PLCH2: variants seen among roughly 807,000 people sequenced by gnomAD.
PLCH2 encodes 1-phosphatidylinositol 4,5-bisphosphate phosphodiesterase eta-2.
PLCH2 carries 98 observed loss-of-function variants against 134.7 expected under a neutral mutation model. The observed-to-expected ratio is 0.73, with a 90% confidence interval of 0.62 to 0.86. The LOEUF is 0.86. Ranked by LOEUF, PLCH2 falls within the 40% of genes least tolerant of loss-of-function variation. The probability of loss-of-function intolerance (pLI) is 0.00; values close to 1 mark genes in which losing one functional copy is unlikely to be tolerated. For synonymous variants in PLCH2, 974 were observed against 827.5 expected (o/e 1.18, Z -3.04); for missense variants, 1,994 against 1,986.6 (o/e 1.00, Z -0.07).
At chr1:2,450,738 G>A (rs571871794) in intron 2 of PLCH2, among the ~76,000 whole-genome samples, 19 of 69,572 alleles carry the variant, frequency 2.7e-4, no homozygotes, top group Non-Finnish European at 8.3e-5. Context: ...CCTACCCCCC[G>A]CTCCCCGCCT....
Position 2,491,283 on chromosome 1 carries a change from CCAA to C in PLCH2, c.1612_1614del (p.Asn538del), listed in dbSNP as rs747204477. The stretch of plus-strand genomic sequence containing the variant: ...TCGAAGATTCGGGACTGTGAGGACC[CCAA>C]CAACTTCTCCGTCTCCACACTGTCC... On this transcript the variant is annotated inframe_deletion, in exon 11 of 22. Transcript: ENST00000378486. 6.2e-7 allele frequency: 1 copy of C among 1,613,334 alleles called. No homozygotes were observed.
intron 21 of PLCH2, 98 bp from the exon 22 acceptor site, chr1:2,503,824 A>G (rs990391367): frequency 1.1e-5 from 7 of 628,058 alleles, no homozygotes; most frequent in African/African-American, 1.1e-4. Flanking sequence ...CACCGGGGAC[A>G]CCACCCTGAT....
intron 2 of PLCH2, among the ~76,000 whole-genome samples, chr1:2,436,312 C>CCT: frequency 2.2e-5 from 1 of 46,054 alleles, no homozygotes; most frequent in Non-Finnish European, 4.2e-5. Flanking sequence ...CTTCCCTCCT[C>CCT]CCTTCCTCCC....
chr1:2,497,622 G>C lies in PLCH2; in HGVS notation c.2224+13G>C. On this transcript the variant is annotated intron_variant, in intron 16 of 21. Transcript: ENST00000378486. The stretch of plus-strand genomic sequence containing the variant: ...TGCATGTGCCAGGGTGAGGCACTCG[G>C]ACACTCAGGGCTCGGACGCTCAGGG... 1.3e-6 allele frequency: 2 copies of C among 1,525,900 alleles called. No individual in the cohort carries two copies. Among genetic ancestry groups the C allele is most frequent in the Non-Finnish European group, 1.8e-6 (2 of 1,124,122 alleles). 94.5% of individuals were successfully genotyped at this position (1,525,900 alleles called of 1,614,324 possible).
At position 2,505,217 on chromosome 1, in the gene PLCH2, T is replaced by C; in HGVS notation, c.*4T>C. ...CCTGGTCCTGCTCCGCCTCTGACCG[T>C]CAGTGGTGGGAACCTGGGCGGCTCT... is the stretch of plus-strand genomic sequence containing the variant. On this transcript the variant is annotated 3_prime_UTR_variant, in exon 22 of 22. Coordinates refer to ENST00000378486, the MANE Select transcript of PLCH2 (RefSeq NM_014638.4). 2 of 1,565,342 alleles carry C rather than the reference T, an allele frequency of 1.3e-6. No individual in the cohort carries two copies. Among genetic ancestry groups the C allele is most frequent in the South Asian group, 1.2e-5 (1 of 86,388 alleles).
chr1:2,503,945 C>T lies in PLCH2; in HGVS notation c.2983C>T (p.Arg995Trp), dbSNP rs1452179583. The T allele has an allele frequency of 8.1e-6, 11 of 1,352,346 alleles. No homozygotes were observed. The Admixed American group carries it at 1.0e-4, about 13-fold the overall frequency. The allele number at this position is 1,352,346 out of a possible 1,614,324, so 83.8% of individuals were successfully genotyped here. ...PRDTRPLSTQ[R>W]PLPPLCSLET... ...AGACACCCGCCCCCTCTCCACGCAG[C>T]GGCCACTCCCCCCACTGTGCAGCCT... The change falls in exon 22 of 22, where the codon CGG becomes TGG. Residue 995 changes from arginine (R) to tryptophan (W), a missense_variant. Arg to Trp is a moderately radical substitution (Grantham distance 101). Transcript: ENST00000378486.
upstream of PLCH2, among the ~76,000 whole-genome samples, chr1:2,471,943 G>A (rs1451298532): frequency 2.0e-5 from 3 of 152,206 alleles, no homozygotes; most frequent in Admixed American, 6.5e-5. Flanking sequence ...CACGGAGGGC[G>A]CTGCCAGAGG....
In PLCH2 at chr1:2,448,393, G is replaced by C. The variant is rs918856192; in HGVS notation, c.115+17764G>C. Among the ~76,000 whole-genome samples the C allele has an allele frequency of 6.6e-6, 1 of 152,074 alleles. No individual in the cohort carries two copies. The highest frequency in any genetic ancestry group is 2.4e-5 in the African/African-American group (1 of 41,406). On this transcript the variant is annotated intron_variant, in intron 2 of 3. Coordinates refer to the PLCH2 transcript ENST00000609981. This position sits in a 1 kb window ranked among gnomAD's most constrained non-coding sequence, Gnocchi z 4.0. Reference sequence around the variant, plus strand: ...CTCTGGCGTCCCTTGGGTTGTGGCCGCCTCCTGCTTCTGCCTGTCTTCCCT... The same window carrying C: ...CTCTGGCGTCCCTTGGGTTGTGGCCCCCTCCTGCTTCTGCCTGTCTTCCCT...
intron 13 of PLCH2, 146 bp from the exon 14 acceptor site, chr1:2,496,461 C>A (rs574910405): frequency 3.0e-5 from 21 of 698,996 alleles, no homozygotes; most frequent in Non-Finnish European, 4.7e-5. Context: ...CCGCAGCCCG[C>A]GGCCCAGTCT....
At chr1:2,490,702 C>T (rs530284381) in intron 10 of PLCH2, among the ~76,000 whole-genome samples, 8 of 152,374 alleles carry the variant, frequency 5.3e-5, no homozygotes, top group South Asian at 4.1e-4. Context: ...GGCAGCTCCA[C>T]GGTGCTCCTG....
At chr1:2,445,912 A>G (rs956719612) in intron 2 of PLCH2, among the ~76,000 whole-genome samples, 3 of 152,160 alleles carry the variant, frequency 2.0e-5, no homozygotes, top group Non-Finnish European at 4.4e-5. Flanking sequence ...GCCTAATAGG[A>G]CCGCTTCATT....
At chr1:2,436,657 G>A (rs1264237417) in intron 2 of PLCH2, among the ~76,000 whole-genome samples, 1 of 152,194 alleles carries the variant, frequency 6.6e-6, no homozygotes, top group Non-Finnish European at 1.5e-5. Context: ...TCTGTCTCCT[G>A]GGAGGCCTGG....
At chr1:2,434,009 G>C (rs749367282) in intron 2 of PLCH2, among the ~76,000 whole-genome samples, 1 of 152,240 alleles carries the variant, frequency 6.6e-6, no homozygotes, top group Non-Finnish European at 1.5e-5. Flanking sequence ...GAAACTCGAC[G>C]AGCTGCTGCC....
intron 2 of PLCH2, among the ~76,000 whole-genome samples, chr1:2,462,284 C>T (rs1640854326): frequency 8.0e-6 from 1 of 124,336 alleles, no homozygotes; most frequent in Non-Finnish European, 1.7e-5. Flanking sequence ...CTGGTACCCC[C>T]TCCACCTGAC....
upstream of PLCH2, among the ~76,000 whole-genome samples, chr1:2,424,633 T>C (rs893713610): frequency 6.6e-6 from 1 of 152,070 alleles, no homozygotes; most frequent in Non-Finnish European, 1.5e-5. Context: ...GGCAGATCAC[T>C]TGAGATCAGG....
rs1639610398 is a variant in PLCH2 at position 2,439,920 on chromosome 1, G to T, written c.115+9291G>T. ...TGTGAAGGGCAGACTCAAAATCAGG[G>T]CAAGGTCATGTCCGGGACACTGCGG... is the stretch of plus-strand genomic sequence containing the variant. On this transcript the variant is annotated intron_variant, in intron 2 of 3. Transcript: ENST00000609981. This position sits in a 1 kb window ranked among gnomAD's most constrained non-coding sequence, Gnocchi z 4.7. Among the ~76,000 whole-genome samples the T allele has an allele frequency of 6.6e-6, 1 of 152,136 alleles. No individual in the cohort carries two copies. The highest frequency in any genetic ancestry group is 1.5e-5 in the Non-Finnish European group (1 of 68,022).
At position 2,491,274 on chromosome 1, in the gene PLCH2, G is replaced by A; in HGVS notation, c.1598G>A (p.Cys533Tyr). ...ATCAAAGAGTCGAAGATTCGGGACT[G>A]TGAGGACCCCAACAACTTCTCCGTC... ...SLIKESKIRDCEDPNNFSVST... is the reference protein window; with the variant it reads ...SLIKESKIRDYEDPNNFSVST... Residue 533 changes from cysteine to tyrosine, a missense_variant, in exon 11 of 22, where the codon TGT becomes TAT. Cys to Tyr is a radical substitution (Grantham distance 194, BLOSUM62 -2). This residue lies in a region of PLCH2 where 1,094 missense variants were observed against 1,234.3 expected (regional missense o/e 0.89). Coordinates refer to ENST00000378486, the MANE Select transcript of PLCH2 (RefSeq NM_014638.4). 6.2e-7 allele frequency: 1 copy of A among 1,613,364 alleles called. No homozygotes were observed. Among genetic ancestry groups the A allele is most frequent in the Non-Finnish European group, 8.5e-7 (1 of 1,179,846 alleles).
chr1:2,490,483 G>A (rs1036978319), intron 10 of PLCH2, among the ~76,000 whole-genome samples: 11 of 133,968 alleles, frequency 8.2e-5, no homozygotes, highest in Admixed American at 2.3e-4. Context: ...GCTCGGGGGC[G>A]CCGATCTCCT....
upstream of PLCH2, among the ~76,000 whole-genome samples, chr1:2,472,123 C>A (rs536230674): frequency 3.3e-5 from 5 of 152,320 alleles, no homozygotes; most frequent in East Asian, 5.8e-4. Flanking sequence ...TGGGGTCCTG[C>A]CTGTGGGGAG....
Sources: gnomAD v4.1 joint callset for allele counts (sites outside exome capture counted in the v4.1 genomes callset) on GRCh38, gnomAD v4.1.1 for gene constraint, gnomAD v4.1.1 regional missense constraint, Gnocchi (gnomAD v3.1) non-coding constraint, MANE v1.5 for transcripts, NCBI Gene and HGNC (gene_info 2026-07-23, HGNC 2026-07-21) for gene names.